AKAP10: variants seen among roughly 807,000 people sequenced by gnomAD.
AKAP10 encodes the protein A-kinase anchoring protein 10.
In AKAP10, 24 loss-of-function variants were observed where a neutral mutation model predicts 80.8. The ratio of observed to expected loss-of-function variants is 0.30; its 90% CI spans 0.22 to 0.42. The LOEUF is 0.42. Among genes scored for constraint, AKAP10 ranks in the 10% least tolerant of loss-of-function variants. The pLI, the probability that AKAP10 is intolerant of heterozygous loss-of-function variation, is 1.00. For synonymous variants in AKAP10, 291 were observed against 277.7 expected (o/e 1.05, Z -0.48); for missense variants, 661 against 794.9 (o/e 0.83, Z 2.03).
Position 19,977,774 on chromosome 17 carries a change from G to C in AKAP10, c.-95C>G. On this transcript the variant is annotated 5_prime_UTR_variant, in exon 1 of 15. Transcript: ENST00000225737. ...GGGAGTGGGCCCCACCGCCTCCTCG[G>C]GATGCCCAGGCAGCTCCAGCCGCCA... 1 of 737,360 alleles carries C rather than the reference G, an allele frequency of 1.4e-6. No homozygotes were observed. The highest frequency in any genetic ancestry group is 1.9e-6 in the Non-Finnish European group (1 of 534,488). The allele number at this position is 737,360 out of a possible 1,614,324, so 45.7% of individuals were successfully genotyped here.
chr17:19,924,728 C>T (rs1053120416), intron 10 of AKAP10, among the ~76,000 whole-genome samples: 4 of 152,172 alleles, frequency 2.6e-5, no homozygotes, highest in Admixed American at 6.5e-5. Context: ...AATGTACATG[C>T]CGGGCACAGT....
At chr17:19,916,024 A>G (rs1472338900) in intron 12 of AKAP10, among the ~76,000 whole-genome samples, 1 of 152,068 alleles carries the variant, frequency 6.6e-6, no homozygotes, top group Non-Finnish European at 1.5e-5. Flanking sequence ...TGCTCACTCC[A>G]TTCCAGCCAC....
chr17:19,955,213 C>T (rs987100167), intron 4 of AKAP10, among the ~76,000 whole-genome samples: 9 of 150,608 alleles, frequency 6.0e-5, no homozygotes, highest in Admixed American at 2.6e-4. Context: ...CAGAGCAAGA[C>T]GCTGTCTCAA....
chr17:19,944,527 C>T (rs748520250), intron 5 of AKAP10, among the ~76,000 whole-genome samples: 1 of 151,854 alleles, frequency 6.6e-6, no homozygotes, highest in African/African-American at 2.4e-5. Context: ...TGGTGGCGAG[C>T]GCCTGTAGTC....
chr17:19,963,896 CA>C (rs568877131), intron 2 of AKAP10, among the ~76,000 whole-genome samples: 21 of 128,700 alleles, frequency 1.6e-4, no homozygotes, highest in Admixed American at 1.6e-4. Context: ...AACTCCATCT[CA>C]AAAAAAAAAA....
intron 14 of AKAP10, among the ~76,000 whole-genome samples, chr17:19,906,723 T>C (rs1354878113): frequency 6.6e-6 from 1 of 152,136 alleles, no homozygotes; most frequent in Non-Finnish European, 1.5e-5. Flanking sequence ...TGGTGTGAGG[T>C]AGTTTATGCT....
At chr17:19,930,780 G>A (rs2042923843) in intron 10 of AKAP10, among the ~76,000 whole-genome samples, 1 of 151,982 alleles carries the variant, frequency 6.6e-6, no homozygotes, top group Non-Finnish European at 1.5e-5. Context: ...GCGTGATCTC[G>A]GCTCACTGCA....
chr17:19,923,329 C>G (rs375570583), intron 11 of AKAP10, among the ~76,000 whole-genome samples: 16 of 152,062 alleles, frequency 1.1e-4, no homozygotes, highest in East Asian at 3.9e-4. Context: ...CCGCCCGTCT[C>G]GGCCTCCCAA....
intron 1 of AKAP10, among the ~76,000 whole-genome samples, chr17:19,969,456 T>C (rs2043466765): frequency 6.6e-6 from 1 of 151,878 alleles, no homozygotes; most frequent in African/African-American, 2.4e-5. Context: ...ACATCCAAGA[T>C]AGGAAGGTGC....
intron 4 of AKAP10, 58 bp from the exon 5 acceptor site, chr17:19,947,563 A>G: frequency 8.9e-7 from 1 of 1,120,782 alleles, no homozygotes; most frequent in African/African-American, 1.5e-5. Context: ...CCAGTAATGA[A>G]TTATATTCAT....
intron 5 of AKAP10, among the ~76,000 whole-genome samples, chr17:19,946,238 TATATATATATATATATATA>T (rs1479491367): frequency 4.6e-4 from 4 of 8,790 alleles, no homozygotes; most frequent in African/African-American, 2.0e-3. Context: ...ATATATATAT[TATATATATATATATATATA>T]TATATATATA....
At chr17:19,936,180 G>T in intron 9 of AKAP10, 106 bp downstream of exon 9, 1 of 1,304,318 alleles carries the variant, frequency 7.7e-7, no homozygotes. Context: ...TTGCTGGACT[G>T]CTTCAATTTC....
At chr17:19,974,219 A>C (rs2043536035) in intron 1 of AKAP10, among the ~76,000 whole-genome samples, 1 of 152,148 alleles carries the variant, frequency 6.6e-6, no homozygotes. Context: ...AAAAGCCAAA[A>C]TACTACTTCT....
chr17:19,931,188 T>C (rs575151639), intron 10 of AKAP10, among the ~76,000 whole-genome samples: 2 of 152,214 alleles, frequency 1.3e-5, no homozygotes, highest in East Asian at 3.9e-4. Context: ...TTACAAAAAG[T>C]ATCCTAAATA....
chr17:19,943,905 T>C (rs535155436), intron 5 of AKAP10, among the ~76,000 whole-genome samples: 4 of 152,210 alleles, frequency 2.6e-5, no homozygotes, highest in East Asian at 1.9e-4. Context: ...ATCTGCAGAA[T>C]TGGTAGCTGA....
intron 14 of AKAP10, among the ~76,000 whole-genome samples, chr17:19,906,845 A>T (rs1428994718): frequency 6.6e-6 from 1 of 152,218 alleles, no homozygotes; most frequent in East Asian, 1.9e-4. Flanking sequence ...GACTTCATGC[A>T]TTCATAAAAT....
At chr17:19,924,258 T>C (rs944572131) in intron 11 of AKAP10, 150 bp downstream of exon 11, 17 of 483,172 alleles carry the variant, frequency 3.5e-5, no homozygotes, top group African/African-American at 2.8e-4. Flanking sequence ...AGAGCCTTTA[T>C]ACTTAACCAC....
chr17:19,968,472 A>T lies in AKAP10; in HGVS notation c.89-11T>A, dbSNP rs1255547845. ...GTTCTTTGCCTTTCACTAGAACATA[A>T]AAAGATAATTATGACCAACTTTTGC... On this transcript the variant is annotated splice_polypyrimidine_tract_variant and intron_variant, in intron 1 of 14. Transcript: ENST00000225737. 1 of 1,612,782 alleles carries T rather than the reference A, an allele frequency of 6.2e-7. No homozygotes were observed. Among genetic ancestry groups the T allele is most frequent in the East Asian group, 2.2e-5 (1 of 44,858 alleles).
chr17:19,906,338 A>G (rs780025259), intron 14 of AKAP10, 106 bp from the exon 15 acceptor site: 13 of 1,255,458 alleles, frequency 1.0e-5, no homozygotes, highest in Non-Finnish European at 1.5e-5. Flanking sequence ...ACTATATACC[A>G]GAGTTTAAGA....
Sources: gnomAD v4.1 joint callset for allele counts (sites outside exome capture counted in the v4.1 genomes callset) on GRCh38, gnomAD v4.1.1 for gene constraint, MANE v1.5 for transcripts, NCBI Gene and HGNC (gene_info 2026-07-23, HGNC 2026-07-21) for gene names.